Variants in EPB41L5 observed in about 807,000 individuals in gnomAD.
EPB41L5 encodes erythrocyte membrane protein band 4.1 like 5, also known as band 4.1-like protein 5.
A neutral mutation model predicts 106.6 loss-of-function variants in EPB41L5; 55 were observed. That is an observed-to-expected ratio of 0.52 (90% CI 0.42 to 0.65). The LOEUF (loss-of-function observed/expected upper bound fraction) is 0.65, where lower values mean the gene tolerates loss of function less well. EPB41L5 is among the 30% of genes least tolerant of loss of function. The pLI, the probability that EPB41L5 is intolerant of heterozygous loss-of-function variation, is 0.00. For synonymous variants in EPB41L5, 297 were observed against 306.7 expected, an observed-to-expected ratio of 0.97 and a Z score of 0.33; for missense variants, 871 against 882.1, an observed-to-expected ratio of 0.99 and a Z score of 0.16.
chr2:120,014,529 T>C (rs529210850), intron 1 of EPB41L5, among the ~76,000 whole-genome samples: 5 of 152,298 alleles, frequency 3.3e-5, no homozygotes, highest in Non-Finnish European at 5.9e-5. Flanking sequence ...TACAATTTCT[T>C]TGTTATAAAG....
chr2:120,170,220 A>G (rs867315167), intron 24 of EPB41L5, among the ~76,000 whole-genome samples: 1 of 152,270 alleles, frequency 6.6e-6, no homozygotes, highest in South Asian at 2.1e-4. Context: ...TCACATAAAC[A>G]TAATTGTATT....
At chr2:120,145,882 G>A (rs1018335548) in intron 19 of EPB41L5, among the ~76,000 whole-genome samples, 1 of 152,074 alleles carries the variant, frequency 6.6e-6, no homozygotes, top group South Asian at 2.1e-4. Flanking sequence ...GGAGGCAGAG[G>A]TTGCAGTGAG....
intron 5 of EPB41L5, among the ~76,000 whole-genome samples, chr2:120,075,173 GATTATAGTTTACA>G (rs1682143717): frequency 6.6e-6 from 1 of 152,178 alleles, no homozygotes; most frequent in Non-Finnish European, 1.5e-5. Flanking sequence ...TCAGTAGGGT[GATTATAGTTTACA>G]ATTACGTATT....
intron 3 of EPB41L5, among the ~76,000 whole-genome samples, chr2:120,048,985 T>G (rs1680023160): frequency 6.6e-6 from 1 of 152,208 alleles, no homozygotes. Flanking sequence ...TTTGAGTTTC[T>G]TAATCCTGAG....
intron 16 of EPB41L5, among the ~76,000 whole-genome samples, chr2:120,125,235 TA>T (rs1344865311): frequency 6.6e-6 from 1 of 152,198 alleles, no homozygotes; most frequent in African/African-American, 2.4e-5. Context: ...TCTGTTTCTG[TA>T]ATTATGCATT....
intron 3 of EPB41L5, among the ~76,000 whole-genome samples, chr2:120,065,300 T>G (rs1258779805): frequency 3.3e-5 from 5 of 151,848 alleles, no homozygotes; most frequent in Admixed American, 2.6e-4. Context: ...AAAATTTTTT[T>G]TTTTGGAGAC....
intron 3 of EPB41L5, among the ~76,000 whole-genome samples, chr2:120,065,101 G>A (rs757839203): frequency 7.2e-5 from 11 of 152,142 alleles, no homozygotes; most frequent in African/African-American, 9.6e-5. Flanking sequence ...TTTCTCACTA[G>A]GGTGATTTTA....
chr2:120,127,053 C>T (rs917274554), intron 16 of EPB41L5, among the ~76,000 whole-genome samples: 1 of 152,070 alleles, frequency 6.6e-6, no homozygotes, highest in Non-Finnish European at 1.5e-5. Context: ...CATGAGTTTA[C>T]TCATTTTTCA....
chr2:120,150,553 A>G (rs1314397830), intron 20 of EPB41L5, among the ~76,000 whole-genome samples: 1 of 152,054 alleles, frequency 6.6e-6, no homozygotes, highest in East Asian at 1.9e-4. Context: ...AGTTGCTCAG[A>G]CTGGTCTCAA....
At chr2:120,115,085 CT>C (rs1237978573) in intron 16 of EPB41L5, among the ~76,000 whole-genome samples, 1 of 152,046 alleles carries the variant, frequency 6.6e-6, no homozygotes, top group African/African-American at 2.4e-5. Context: ...CACTTCATCC[CT>C]TTTTTCGTTA....
chr2:120,131,596 T>C (rs1558896622), intron 17 of EPB41L5, 22 bp from the exon 18 acceptor site: 2 of 1,493,590 alleles, frequency 1.3e-6, no homozygotes, highest in Non-Finnish European at 1.8e-6. Flanking sequence ...GGGGTTATTT[T>C]GCCTTTTTTT....
Position 120,163,363 on chromosome 2 carries a change from A to G in EPB41L5, c.1888-1473A>G, listed in dbSNP as rs1047973371. 2.1e-5 allele frequency among the ~76,000 whole-genome samples: 3 copies of G among 143,496 alleles called. No homozygotes were observed. The South Asian group carries it at 6.6e-4, about 32-fold the overall frequency. 94.1% of individuals were successfully genotyped at this position (143,496 alleles called of 152,430 possible). A position where few individuals can be genotyped will look rare whatever the true frequency, so the allele number is the denominator to read the frequency against. ...TTGTTTATTGCCAGATTGGCATTTT[A>G]TCTTTTGTTGTTTTAAAATTCTCCC... is the stretch of plus-strand genomic sequence containing the variant. On this transcript the variant is annotated intron_variant, in intron 21 of 24. Coordinates refer to ENST00000263713, the MANE Select transcript of EPB41L5 (RefSeq NM_020909.4).
chr2:120,013,770 T>C (rs1677310735), intron 1 of EPB41L5: 1 of 152,208 alleles, frequency 6.6e-6, no homozygotes, highest in African/African-American at 2.4e-5. Flanking sequence ...CTTTGGTGTG[T>C]AAATGTTAAT....
Position 120,140,841 on chromosome 2 carries a change from A to G in EPB41L5, c.1600-2162A>G, listed in dbSNP as rs1332909442. ...ATTTTTAATAAAGGCTGATTTCTCT[A>G]CCTCTGCTATCAACAGTTGTTGTTT... On this transcript the variant is annotated intron_variant, in intron 18 of 24. Coordinates refer to ENST00000263713, the MANE Select transcript of EPB41L5 (RefSeq NM_020909.4). 1.3e-5 allele frequency among the ~76,000 whole-genome samples: 2 copies of G among 152,196 alleles called. 1 individual carries two copies. The highest frequency in any genetic ancestry group is 4.1e-4 in the South Asian group (2 of 4,826).
At chr2:120,098,145 A>C (rs72841618) in intron 14 of EPB41L5, among the ~76,000 whole-genome samples, 9,000 of 47,196 alleles carry the variant, frequency 0.19, 362 homozygotes, top group African/African-American at 0.25. Context: ...ATCTGCACTA[A>C]ATTGTTTGTT....
At chr2:120,105,713 T>C in intron 16 of EPB41L5, 1 of 985,408 alleles carries the variant, frequency 1.0e-6, no homozygotes, top group Non-Finnish European at 1.2e-6. Flanking sequence ...AAGCCCATCA[T>C]CGTTTAGCAA....
At chr2:120,150,939 G>T (rs1686643996) in intron 20 of EPB41L5, among the ~76,000 whole-genome samples, 2 of 152,152 alleles carry the variant, frequency 1.3e-5, no homozygotes, top group South Asian at 4.1e-4. Context: ...AAACCATTGT[G>T]AAATTCAAGA....
At chr2:120,063,531 T>C (rs1359839224) in intron 3 of EPB41L5, among the ~76,000 whole-genome samples, 1 of 152,066 alleles carries the variant, frequency 6.6e-6, no homozygotes, top group African/African-American at 2.4e-5. Context: ...ATTACCCCTA[T>C]AGAGTGTACT....
At chr2:120,123,522 C>T (rs1055929375) in intron 16 of EPB41L5, among the ~76,000 whole-genome samples, 3 of 152,026 alleles carry the variant, frequency 2.0e-5, no homozygotes, top group African/African-American at 7.2e-5. Flanking sequence ...AACCATCTTA[C>T]TTGTAATCAT....
Sources: gnomAD v4.1 joint callset for allele counts (sites outside exome capture counted in the v4.1 genomes callset) on GRCh38, gnomAD v4.1.1 for gene constraint, MANE v1.5 for transcripts, NCBI Gene and HGNC (gene_info 2026-07-23, HGNC 2026-07-21) for gene names.